The following XRCC5 variants were observed in gnomAD, a reference collection of about 807,000 sequenced individuals.
XRCC5 encodes DNA repair protein Ku80.
In XRCC5, 12 loss-of-function variants were observed where a neutral mutation model predicts 95.7. The observed-to-expected ratio is 0.13, with a 90% confidence interval of 0.08 to 0.20. XRCC5 has a LOEUF of 0.20. Among genes scored for constraint, XRCC5 ranks in the 10% least tolerant of loss-of-function variants. XRCC5 has a pLI of 1.00. For missense variants in XRCC5, 595 were observed against 873.9 expected, an observed-to-expected ratio of 0.68 and a Z score of 4.02; for synonymous variants, 281 against 290.3, an observed-to-expected ratio of 0.97 and a Z score of 0.33.
At chr2:216,163,955 CA>C (rs1437664508) in intron 16 of XRCC5, among the ~76,000 whole-genome samples, 1 of 152,164 alleles carries the variant, frequency 6.6e-6, no homozygotes, top group Non-Finnish European at 1.5e-5. Context: ...AGTTTTAACA[CA>C]AAACAAAACC....
intron 14 of XRCC5, among the ~76,000 whole-genome samples, chr2:216,154,409 C>G (rs565776046): frequency 6.6e-5 from 10 of 152,224 alleles, no homozygotes; most frequent in Admixed American, 3.9e-4. Context: ...AACATAGTGA[C>G]TAGCACATGG....
At chr2:216,182,819 T>C (rs1689414273) in intron 16 of XRCC5, among the ~76,000 whole-genome samples, 1 of 152,218 alleles carries the variant, frequency 6.6e-6, no homozygotes, top group South Asian at 2.1e-4. Flanking sequence ...CCTATAAATA[T>C]TAATTGATGA....
At chr2:216,117,850 G>T in intron 4 of XRCC5, 56 bp downstream of exon 4, 8 of 1,527,098 alleles carry the variant, frequency 5.2e-6, no homozygotes, top group Middle Eastern at 1.7e-4. Context: ...AATTGTATGG[G>T]TTAATGTATT....
chr2:216,153,479 G>C (rs1020870120), intron 14 of XRCC5, among the ~76,000 whole-genome samples: 1 of 152,214 alleles, frequency 6.6e-6, no homozygotes, highest in Non-Finnish European at 1.5e-5. Context: ...GGGTTCCAAA[G>C]ATTGATATCA....
intron 16 of XRCC5, among the ~76,000 whole-genome samples, chr2:216,189,503 T>C (rs2106046503): frequency 6.6e-6 from 1 of 152,338 alleles, no homozygotes; most frequent in South Asian, 2.1e-4. Context: ...CTTTGTAAGG[T>C]GTAATCTACT....
At chr2:216,133,460 G>A (rs1252751523) in intron 10 of XRCC5, among the ~76,000 whole-genome samples, 5 of 152,152 alleles carry the variant, frequency 3.3e-5, no homozygotes, top group African/African-American at 7.2e-5. Flanking sequence ...ATAGGTGTGC[G>A]CCACCATTCC....
In XRCC5 at chr2:216,205,079, A is replaced by G. The variant is rs56341911; in HGVS notation, c.2185-109A>G. The G allele has an allele frequency of 3.3e-4, 433 of 1,300,160 alleles. 2 individuals carry two copies. In the African/African-American group the frequency reaches 5.2e-3, roughly 16 times the overall value. The allele number at this position is 1,300,160 out of a possible 1,614,324, so 80.5% of individuals were successfully genotyped here. ...GAGCGGTGAATAAATGAGCAAGTAC[A>G]TGCATGCCTTCCAATGTAGAGTCAT... On this transcript the variant is annotated intron_variant, in intron 20 of 20. Transcript: ENST00000392132.
chr2:216,151,631 A>G (rs914699520), intron 14 of XRCC5, among the ~76,000 whole-genome samples: 25 of 152,196 alleles, frequency 1.6e-4, no homozygotes, highest in Non-Finnish European at 1.8e-4. Flanking sequence ...TATCTGTCTT[A>G]TAGAGTTGTC....
rs868191460 is a variant in XRCC5 at position 216,160,141 on chromosome 2, G to A, written c.1744G>A (p.Ala582Thr). The A allele has an allele frequency of 3.1e-6, 5 of 1,608,228 alleles. No homozygotes were observed. The highest frequency in any genetic ancestry group is 4.2e-6 in the Non-Finnish European group (5 of 1,176,848). The part of the protein sequence containing the change: ...GGAHFSVSSL[A>T]EGSVTSVGSV... ...AGCCCACTTCAGCGTCTCCAGTCTG[G>A]CTGAAGGCAGTGTCACCTCTGTAAG... Residue 582 changes from alanine (A) to threonine (T), a missense_variant, in exon 15 of 21, where the codon GCT (alanine) becomes ACT (threonine). Physicochemically the swap from Ala to Thr is moderately conservative, Grantham distance 58. Around this residue, in one of 2 missense-constraint regions of XRCC5, gnomAD observed 309 missense variants for 382.9 expected, o/e 0.81. Coordinates refer to ENST00000392132, the MANE Select transcript of XRCC5 (RefSeq NM_021141.4).
intron 7 of XRCC5, among the ~76,000 whole-genome samples, chr2:216,126,997 A>T (rs1696909810): frequency 6.6e-6 from 1 of 152,042 alleles, no homozygotes; most frequent in Non-Finnish European, 1.5e-5. Flanking sequence ...CATGCCTGTA[A>T]TTCCAGCACT....
At chr2:216,200,283 A>G (rs781664695) in intron 19 of XRCC5, among the ~76,000 whole-genome samples, 2 of 152,204 alleles carry the variant, frequency 1.3e-5, no homozygotes, top group Non-Finnish European at 2.9e-5. Context: ...GTGCACAGGA[A>G]TTCTCCAAAG....
intron 19 of XRCC5, among the ~76,000 whole-genome samples, chr2:216,195,392 C>CTTTTCTTTTCTTTTCTTTTCTTTTCT (rs1689700660): frequency 2.1e-5 from 1 of 48,502 alleles, no homozygotes. Flanking sequence ...TTTCTTTTCT[C>CTTTTCTTTTCTTTTCTTTTCTTTTCT]TTTCTTTTCT....
chr2:216,146,415 G>A (rs1357784896), intron 13 of XRCC5, among the ~76,000 whole-genome samples: 1 of 152,106 alleles, frequency 6.6e-6, no homozygotes, highest in Non-Finnish European at 1.5e-5. Flanking sequence ...GGGGACCAGG[G>A]GATAGTATAA....
At chr2:216,160,037 T>C in intron 14 of XRCC5, 31 bp from the exon 15 acceptor site, 1 of 1,403,484 alleles carries the variant, frequency 7.1e-7, no homozygotes, top group Non-Finnish European at 9.9e-7. Context: ...GTATTGTTTG[T>C]TCTAAGAGAA....
Position 216,121,016 on chromosome 2 carries a change from G to A in XRCC5, c.492-1046G>A, listed in dbSNP as rs764279600. ...CTCCCAAAGTGCTGGGATTACAGGC[G>A]TGAGCCACTGTGCCTGGCACAGTTT... is the stretch of plus-strand genomic sequence containing the variant. On this transcript the variant is annotated intron_variant, in intron 5 of 20. Transcript: ENST00000392132. Among the ~76,000 whole-genome samples the A allele has an allele frequency of 3.9e-5, 6 of 152,320 alleles. No individual in the cohort carries two copies. In the South Asian group the frequency reaches 1.0e-3, roughly 26 times the overall value.
intron 2 of XRCC5, 71 bp from the exon 3 acceptor site, chr2:216,116,588 T>G (rs1475708176): frequency 6.3e-7 from 1 of 1,582,222 alleles, no homozygotes; most frequent in Non-Finnish European, 8.6e-7. Flanking sequence ...TCCTGCTCCC[T>G]GAAGGTTAGG....
At chr2:216,170,205 GAATTTCT>G (rs1261768176) in intron 16 of XRCC5, among the ~76,000 whole-genome samples, 2 of 152,034 alleles carry the variant, frequency 1.3e-5, no homozygotes, top group Admixed American at 6.6e-5. Flanking sequence ...GTGAGCACCT[GAATTTCT>G]TCCTGAGAGC....
chr2:216,132,038 A>G (rs1045495649), intron 9 of XRCC5, among the ~76,000 whole-genome samples: 1 of 152,246 alleles, frequency 6.6e-6, no homozygotes, highest in Admixed American at 6.5e-5. Flanking sequence ...ACCCTGGACC[A>G]TAATACTACA....
At chr2:216,167,545 A>G (rs41301734) in intron 16 of XRCC5, among the ~76,000 whole-genome samples, 1,705 of 148,802 alleles carry the variant, frequency 0.011, 44 homozygotes, top group African/African-American at 0.04. Flanking sequence ...TCTAGCAGAA[A>G]TCTCTCTCGT....
Sources: allele counts gnomAD v4.1 joint callset (sites outside exome capture counted in the v4.1 genomes callset), GRCh38; gene constraint gnomAD v4.1.1; regional missense constraint gnomAD v4.1.1; transcripts MANE v1.5; gene names NCBI Gene and HGNC (gene_info 2026-07-23, HGNC 2026-07-21).